Variants in TMEM87A observed in about 807,000 individuals in gnomAD.
The protein encoded by TMEM87A is transmembrane protein 87A, also known as Golgi-pH regulating cation channel.
TMEM87A carries 50 observed loss-of-function variants against 90.0 expected under a neutral mutation model. That is an observed-to-expected ratio of 0.56 (90% CI 0.44 to 0.70). The LOEUF (loss-of-function observed/expected upper bound fraction) is 0.70. Ranked by LOEUF, TMEM87A falls within the 30% of genes least tolerant of loss-of-function variation. The pLI, the probability that TMEM87A is intolerant of heterozygous loss-of-function variation, is 0.00. For missense variants in TMEM87A, 577 were observed against 660.5 expected (o/e 0.87, Z 1.39); for synonymous variants, 226 against 226.7 (o/e 1.00, Z 0.03).
intron 2 of TMEM87A, among the ~76,000 whole-genome samples, chr15:42,269,217 A>G (rs2051464447): frequency 6.6e-6 from 1 of 152,190 alleles, no homozygotes; most frequent in Non-Finnish European, 1.5e-5. Context: ...GATTCTAGCT[A>G]TGAAAGGAAA....
intron 6 of TMEM87A, among the ~76,000 whole-genome samples, chr15:42,257,139 G>A (rs900381376): frequency 2.0e-5 from 3 of 152,142 alleles, no homozygotes; most frequent in Non-Finnish European, 2.9e-5. Flanking sequence ...GAAACTCACT[G>A]CTATGGTTTA....
chr15:42,264,700 T>TATATATA (rs35725330), intron 3 of TMEM87A, among the ~76,000 whole-genome samples: 12 of 5,162 alleles, frequency 2.3e-3, no homozygotes, highest in African/African-American at 3.0e-3. Flanking sequence ...TATATATATA[T>TATATATA]TTTTTTTTTA....
rs114448999 is a variant in TMEM87A, at chr15:42,217,786, G to T, written c.1626+17C>A. The T allele has an allele frequency of 4.7e-5, 76 of 1,610,672 alleles. No homozygotes were observed. In the East Asian group the frequency reaches 8.7e-4, roughly 18 times the overall value. On this transcript the variant is annotated intron_variant, in intron 19 of 19. Coordinates refer to ENST00000389834, the MANE Select transcript of TMEM87A (RefSeq NM_015497.5). ...GTCACCATATACATAATTTATGCACGTGAATTGAGTACCAACCTCATCTGA... is the reference window on the plus strand; with the variant it reads ...GTCACCATATACATAATTTATGCACTTGAATTGAGTACCAACCTCATCTGA...
chr15:42,265,477 TTC>T (rs1000908645), intron 3 of TMEM87A, among the ~76,000 whole-genome samples: 2 of 152,222 alleles, frequency 1.3e-5, no homozygotes, highest in African/African-American at 2.4e-5. Context: ...CTTTTTTTTT[TTC>T]ATATGCTTGT....
At chr15:42,269,849 T>C (rs1380237486) in intron 2 of TMEM87A, among the ~76,000 whole-genome samples, 1 of 128,980 alleles carries the variant, frequency 7.8e-6, no homozygotes, top group African/African-American at 2.9e-5. Flanking sequence ...GGCAGGAGAA[T>C]GGCGTGAACC....
intron 6 of TMEM87A, among the ~76,000 whole-genome samples, chr15:42,254,603 A>G (rs979980740): frequency 6.6e-6 from 1 of 152,208 alleles, no homozygotes; most frequent in Non-Finnish European, 1.5e-5. Flanking sequence ...AGCCAATCTA[A>G]AGAGGTCACA....
intron 4 of TMEM87A, among the ~76,000 whole-genome samples, chr15:42,261,913 C>T (rs969940053): frequency 2.6e-5 from 4 of 152,200 alleles, no homozygotes; most frequent in Non-Finnish European, 5.9e-5. Context: ...GGACTACAGG[C>T]GTGAGCCACC....
chr15:42,258,014 A>T (rs530876886), intron 6 of TMEM87A: 20 of 973,002 alleles, frequency 2.1e-5, no homozygotes, highest in Non-Finnish European at 2.4e-5. Flanking sequence ...TTCTTCTGAG[A>T]TCAGAAAATA....
At chr15:42,228,527 C>T (rs1448901975) in intron 13 of TMEM87A, among the ~76,000 whole-genome samples, 185 bp downstream of exon 13, 1 of 152,162 alleles carries the variant, frequency 6.6e-6, no homozygotes, top group Non-Finnish European at 1.5e-5. Context: ...AGCTACTGTA[C>T]ATAAAATAAA....
At chr15:42,261,024 TAATA>T in intron 5 of TMEM87A, 22 bp from the exon 6 acceptor site, 1 of 1,582,524 alleles carries the variant, frequency 6.3e-7, no homozygotes, top group Non-Finnish European at 8.6e-7. Flanking sequence ...AAAAAAATAA[TAATA>T]ATTAATTCAG....
chr15:42,256,329 T>C (rs964470744), intron 6 of TMEM87A, among the ~76,000 whole-genome samples: 4 of 151,756 alleles, frequency 2.6e-5, no homozygotes, highest in African/African-American at 4.8e-5. Flanking sequence ...TTAGTAGAGA[T>C]AGGGTTTTGT....
intron 2 of TMEM87A, among the ~76,000 whole-genome samples, chr15:42,269,935 T>C (rs1595753440): frequency 3.2e-5 from 2 of 62,276 alleles, no homozygotes; most frequent in African/African-American, 6.6e-5. Flanking sequence ...AGAGCGAGAC[T>C]CCGTCTCAAA....
At chr15:42,249,359 TTTAA>T (rs1219648728) in intron 6 of TMEM87A, among the ~76,000 whole-genome samples, 7 of 152,232 alleles carry the variant, frequency 4.6e-5, no homozygotes, top group African/African-American at 1.2e-4. Flanking sequence ...CTCTAGCTCT[TTTAA>T]TTGTGATGTT....
rs1230850985 is a variant in TMEM87A, at chr15:42,227,764, T to C, written c.1246A>G (p.Ile416Val). 12 of 1,613,882 alleles carry C rather than the reference T, an allele frequency of 7.4e-6. No individual in the cohort carries two copies. The South Asian group carries it at 8.8e-5, about 12-fold the overall frequency. ...NTLILAVAAS[I>V]VFIIWTTMKF... is the part of the protein sequence containing the mutation. ...ATGGTTGTCCAGATGATAAACACAATGGATGCTAACAGTAAATGAAAAACC... is the reference window on the plus strand; with the variant it reads ...ATGGTTGTCCAGATGATAAACACAACGGATGCTAACAGTAAATGAAAAACC... Residue 416 changes from isoleucine (I) to valine (V), a missense_variant, in exon 14 of 20, where the codon ATT (isoleucine) becomes GTT (valine). Coordinates refer to ENST00000389834, the MANE Select transcript of TMEM87A (RefSeq NM_015497.5).
chr15:42,213,299 G>A (rs2050325267), intron 19 of TMEM87A, among the ~76,000 whole-genome samples: 1 of 152,240 alleles, frequency 6.6e-6, no homozygotes, highest in Non-Finnish European at 1.5e-5. Context: ...GTTGGAAGTT[G>A]CTGAAATCAA....
At chr15:42,269,318 A>G (rs1449655190) in intron 2 of TMEM87A, among the ~76,000 whole-genome samples, 1 of 152,248 alleles carries the variant, frequency 6.6e-6, no homozygotes, top group Non-Finnish European at 1.5e-5. Flanking sequence ...CTTTTCATTC[A>G]TAACAAAAGA....
chr15:42,240,411 T>A (rs1207981190), intron 7 of TMEM87A, among the ~76,000 whole-genome samples: 1 of 152,212 alleles, frequency 6.6e-6, no homozygotes, highest in Non-Finnish European at 1.5e-5. Context: ...AAAGTTCAGA[T>A]GCTTCAAGGC....
Position 42,273,248 on chromosome 15 carries a change from T to C in TMEM87A, c.144+7A>G. 6.2e-7 allele frequency: 1 copy of C among 1,614,064 alleles called. No homozygotes were observed. Among genetic ancestry groups the C allele is most frequent in the African/African-American group, 1.3e-5 (1 of 75,048 alleles). On this transcript the variant is annotated splice_region_variant and intron_variant, in intron 1 of 19. Coordinates refer to ENST00000389834, the MANE Select transcript of TMEM87A (RefSeq NM_015497.5). ...TAGGTTCAGACGTTAGTGAAGTGAATACTCACCGACGGTATCGGAATGTGC... is the reference window on the plus strand; with the variant it reads ...TAGGTTCAGACGTTAGTGAAGTGAACACTCACCGACGGTATCGGAATGTGC...
chr15:42,255,965 A>C (rs1200743378), intron 6 of TMEM87A, among the ~76,000 whole-genome samples: 1 of 146,204 alleles, frequency 6.8e-6, no homozygotes. Context: ...TTTTTAGTAG[A>C]GATGAGGTTT....
Sources: gnomAD v4.1 joint callset for allele counts (sites outside exome capture counted in the v4.1 genomes callset) on GRCh38, gnomAD v4.1.1 for gene constraint, MANE v1.5 for transcripts, NCBI Gene and HGNC (gene_info 2026-07-23, HGNC 2026-07-21) for gene names.